The following PCDHA12 variants were observed in gnomAD, a reference collection of about 807,000 sequenced individuals.
PCDHA12 encodes the protein protocadherin alpha-12.
A neutral mutation model predicts 60.0 loss-of-function variants in PCDHA12; 44 were observed. The observed-to-expected ratio is 0.73, with a 90% CI of 0.58 to 0.94. The LOEUF is 0.94. PCDHA12 is among the 40% of genes least tolerant of loss of function. The pLI, the probability that PCDHA12 is intolerant of heterozygous loss-of-function variation, is 0.00. For synonymous variants in PCDHA12, 569 were observed against 553.0 expected (o/e 1.03, Z -0.40); for missense variants, 1,276 against 1,239.7 (o/e 1.03, Z -0.44).
chr5:140,899,752 A>G lies in PCDHA12; in HGVS notation c.2367+21913A>G, dbSNP rs190521600. On this transcript the variant is annotated intron_variant, in intron 1 of 3. Transcript: ENST00000398631. ...ATTGATTGGAATAGTTTCAGAAGGA[A>G]TGGTACCAGTTCCTCCTTTTACCTC... Among the ~76,000 whole-genome samples the G allele has an allele frequency of 4.0e-4, 61 of 152,320 alleles. No homozygotes were observed. The East Asian group carries it at 8.7e-3, about 22-fold the overall frequency.
intron 1 of PCDHA12, among the ~76,000 whole-genome samples, chr5:140,964,252 T>C (rs569615423): frequency 4.6e-5 from 7 of 152,332 alleles, no homozygotes; most frequent in African/African-American, 1.7e-4. Context: ...GGCTTTATAT[T>C]TGACTCCTTA....
intron 1 of PCDHA12, among the ~76,000 whole-genome samples, chr5:140,933,870 T>C (rs2089481018): frequency 6.6e-6 from 1 of 152,092 alleles, no homozygotes. Context: ...CAGATATATG[T>C]TAGTTTTATC....
At chr5:140,963,437 A>G (rs1218824827) in intron 1 of PCDHA12, among the ~76,000 whole-genome samples, 2 of 152,144 alleles carry the variant, frequency 1.3e-5, no homozygotes, top group African/African-American at 4.8e-5. Context: ...CTAACTTCAT[A>G]CTCTGTTGCT....
At chr5:140,921,726 A>C (rs1278671755) in intron 1 of PCDHA12, among the ~76,000 whole-genome samples, 1 of 152,170 alleles carries the variant, frequency 6.6e-6, no homozygotes, top group East Asian at 1.9e-4. Flanking sequence ...AATTACTCCC[A>C]TAAAAATTAT....
chr5:140,922,581 C>T (rs893700923), intron 1 of PCDHA12, among the ~76,000 whole-genome samples: 2 of 152,104 alleles, frequency 1.3e-5, no homozygotes, highest in Non-Finnish European at 2.9e-5. Context: ...GCCCTGTAGC[C>T]GCCAGTTCTC....
chr5:140,986,625 C>T (rs1312536887), intron 3 of PCDHA12, among the ~76,000 whole-genome samples: 2 of 152,122 alleles, frequency 1.3e-5, no homozygotes, highest in African/African-American at 4.8e-5. Flanking sequence ...TTACCTAAGG[C>T]AACAGTACAT....
At chr5:140,944,226 C>T (rs988249626) in intron 1 of PCDHA12, among the ~76,000 whole-genome samples, 3 of 152,126 alleles carry the variant, frequency 2.0e-5, no homozygotes, top group Admixed American at 2.0e-4. Flanking sequence ...TTTACTCTGT[C>T]GCTCAGGCTG....
intron 1 of PCDHA12, among the ~76,000 whole-genome samples, chr5:140,897,693 G>A (rs1327367730): frequency 6.6e-6 from 1 of 152,008 alleles, no homozygotes; most frequent in African/African-American, 2.4e-5. Context: ...TAGTCCTTTG[G>A]GCATATACCC....
At chr5:140,997,978 C>T (rs1205743045) in intron 3 of PCDHA12, among the ~76,000 whole-genome samples, 2 of 152,182 alleles carry the variant, frequency 1.3e-5, no homozygotes, top group African/African-American at 2.4e-5. Context: ...TTGGACTGCA[C>T]TTGTTACATA....
chr5:140,966,216 C>T (rs1189015388), intron 1 of PCDHA12: 1 of 247,072 alleles, frequency 4.0e-6, no homozygotes, highest in African/African-American at 2.2e-5. Flanking sequence ...TTTTCCCAGA[C>T]TAATCTCCTT....
intron 1 of PCDHA12, chr5:140,882,819 A>G: frequency 6.2e-7 from 1 of 1,614,244 alleles, no homozygotes; most frequent in Non-Finnish European, 8.5e-7. Flanking sequence ...GACGCACAAA[A>G]CAGTCTTGAG....
chr5:140,961,196 A>G (rs2095596614), intron 1 of PCDHA12, among the ~76,000 whole-genome samples: 2 of 152,150 alleles, frequency 1.3e-5, no homozygotes, highest in African/African-American at 4.8e-5. Context: ...GACCCTAGTG[A>G]GGTTGGTATT....
At chr5:140,898,015 T>C (rs376663063) in intron 1 of PCDHA12, among the ~76,000 whole-genome samples, 3 of 152,154 alleles carry the variant, frequency 2.0e-5, no homozygotes, top group Non-Finnish European at 4.4e-5. Context: ...TCATATCCTT[T>C]GCCCACTTTT....
At chr5:140,904,440 A>G (rs1455600144) in intron 1 of PCDHA12, among the ~76,000 whole-genome samples, 1 of 151,204 alleles carries the variant, frequency 6.6e-6, no homozygotes, top group Non-Finnish European at 1.5e-5. Flanking sequence ...TATGTATATT[A>G]CAATTTCTTT....
At chr5:140,926,872 AC>A in intron 1 of PCDHA12, 1 of 1,525,488 alleles carries the variant, frequency 6.6e-7, no homozygotes, top group Non-Finnish European at 8.8e-7. Flanking sequence ...TGTTGGTGGA[AC>A]GTGGACGCCT....
At chr5:140,880,403 T>C (rs1474959731) in intron 1 of PCDHA12, among the ~76,000 whole-genome samples, 1 of 152,186 alleles carries the variant, frequency 6.6e-6, no homozygotes, top group Non-Finnish European at 1.5e-5. Flanking sequence ...GAGCATATGG[T>C]TGACCTTAAA....
intron 2 of PCDHA12, 35 bp downstream of exon 2, chr5:140,979,042 C>T (rs782163702): frequency 6.2e-7 from 1 of 1,612,562 alleles, no homozygotes; most frequent in African/African-American, 1.3e-5. Context: ...TCAGAAGTAA[C>T]CTTAACTTGG....
At chr5:141,007,318 A>C (rs2098314985) in intron 3 of PCDHA12, among the ~76,000 whole-genome samples, 1 of 151,736 alleles carries the variant, frequency 6.6e-6, no homozygotes, top group South Asian at 2.1e-4. Flanking sequence ...TGGGAGGCTA[A>C]AGTGGACAGA....
At chr5:140,990,029 A>G (rs1343846819) in intron 3 of PCDHA12, among the ~76,000 whole-genome samples, 1 of 152,146 alleles carries the variant, frequency 6.6e-6, no homozygotes, top group African/African-American at 2.4e-5. Context: ...AAAGGATGGG[A>G]GAAGTCAGTC....
Sources: gnomAD v4.1 joint callset for allele counts (sites outside exome capture counted in the v4.1 genomes callset) on GRCh38, gnomAD v4.1.1 for gene constraint, MANE v1.5 for transcripts, NCBI Gene and HGNC (gene_info 2026-07-23, HGNC 2026-07-21) for gene names.